TC2N: variants seen among roughly 807,000 people sequenced by gnomAD.
The protein encoded by TC2N is tandem C2 domains, nuclear, also known as tandem C2 domains nuclear protein.
In TC2N, 51 loss-of-function variants were observed where a neutral mutation model predicts 61.9. The observed-to-expected ratio is 0.82, with a 90% CI of 0.66 to 1.04. The LOEUF is 1.04. TC2N is among the 50% of genes least tolerant of loss of function. The probability of loss-of-function intolerance (pLI) is 0.00; values close to 1 mark genes in which losing one functional copy is unlikely to be tolerated. For synonymous variants in TC2N, 204 were observed against 192.6 expected (o/e 1.06, Z -0.49); for missense variants, 556 against 566.7 (o/e 0.98, Z 0.19).
chr14:91,791,284 T>A (rs1466476679), intron 9 of TC2N, among the ~76,000 whole-genome samples: 1 of 152,070 alleles, frequency 6.6e-6, no homozygotes. Flanking sequence ...TAATTTTTTT[T>A]AGTTTATGTA....
chr14:91,823,893 C>A (rs925043921), intron 1 of TC2N, among the ~76,000 whole-genome samples: 1 of 151,888 alleles, frequency 6.6e-6, no homozygotes, highest in Admixed American at 6.6e-5. Flanking sequence ...AATTAAAAAA[C>A]AACAACAACA....
At chr14:91,799,114 G>T in intron 5 of TC2N, 50 bp from the exon 6 acceptor site, 3 of 1,208,028 alleles carry the variant, frequency 2.5e-6, no homozygotes, top group Non-Finnish European at 3.5e-6. Context: ...AAACCTTAAG[G>T]ATTCTGATAC....
rs975913299 is a variant in TC2N at position 91,837,403 on chromosome 14, A to T, written c.-56-23578T>A. Among the ~76,000 whole-genome samples the T allele has an allele frequency of 5.9e-5, 9 of 151,950 alleles. No homozygotes were observed. The highest frequency in any genetic ancestry group is 2.2e-4 in the African/African-American group (9 of 41,336). On this transcript the variant is annotated intron_variant, in intron 1 of 11. Coordinates refer to ENST00000435962, the MANE Select transcript of TC2N (RefSeq NM_001128596.3). This position sits in a 1 kb window ranked among gnomAD's most constrained non-coding sequence, Gnocchi z 4.2. ...CCAGGCTAATTTTTTAATTTTTTGT[A>T]GAGATGAAGTCTTATTATATGGCCC...
chr14:91,811,609 G>A (rs534500129), intron 3 of TC2N, among the ~76,000 whole-genome samples: 2 of 152,064 alleles, frequency 1.3e-5, no homozygotes, highest in Non-Finnish European at 2.9e-5. Context: ...GAAGAAAGAA[G>A]AGAAGGAAAA....
chr14:91,859,085 G>T (rs577117839), intron 1 of TC2N, among the ~76,000 whole-genome samples: 6 of 152,180 alleles, frequency 3.9e-5, no homozygotes, highest in Middle Eastern at 3.4e-3. Flanking sequence ...CACCGCAAGG[G>T]GTCACCTTAT....
intron 7 of TC2N, 47 bp downstream of exon 7, chr14:91,798,252 A>C: frequency 9.6e-7 from 1 of 1,037,000 alleles, no homozygotes. Context: ...ACAATGTCTA[A>C]ATATTCAATT....
At chr14:91,799,204 C>T (rs1207162619) in intron 5 of TC2N, 140 bp from the exon 6 acceptor site, 1 of 476,554 alleles carries the variant, frequency 2.1e-6, no homozygotes, top group Non-Finnish European at 3.6e-6. Context: ...TTCCCACTTA[C>T]AGGTAGTGGA....
chr14:91,786,441 A>C (rs1235189416), intron 10 of TC2N, among the ~76,000 whole-genome samples: 2 of 152,204 alleles, frequency 1.3e-5, no homozygotes, highest in African/African-American at 4.8e-5. Context: ...GCTTATATAC[A>C]ACAGAAATTA....
chr14:91,860,941 G>C (rs1888577324), intron 1 of TC2N, among the ~76,000 whole-genome samples: 1 of 152,264 alleles, frequency 6.6e-6, no homozygotes, highest in Admixed American at 6.5e-5. Flanking sequence ...CTGGCAAAGA[G>C]GCTCTGGCCT....
intron 1 of TC2N, among the ~76,000 whole-genome samples, chr14:91,845,561 G>T (rs61990097): frequency 0.12 from 18,672 of 152,178 alleles, 1,386 homozygotes; most frequent in East Asian, 0.24. Flanking sequence ...AATTCTGATG[G>T]TTACAAGTAA....
intron 1 of TC2N, among the ~76,000 whole-genome samples, chr14:91,834,539 G>A (rs544446797): frequency 6.6e-6 from 1 of 150,950 alleles, no homozygotes; most frequent in African/African-American, 2.4e-5. Context: ...CTCAAAATAC[G>A]GATTCTAAAC....
At chr14:91,805,632 T>C (rs1018292311) in intron 3 of TC2N, among the ~76,000 whole-genome samples, 3 of 151,896 alleles carry the variant, frequency 2.0e-5, no homozygotes, top group Admixed American at 6.6e-5. Context: ...GCCACTGCAC[T>C]CCAGCTTGGT....
At chr14:91,842,851 T>A (rs1888189274) in intron 1 of TC2N, among the ~76,000 whole-genome samples, 2 of 152,204 alleles carry the variant, frequency 1.3e-5, no homozygotes, top group Admixed American at 6.5e-5. Context: ...TCCTTCTTTT[T>A]AGTAGGTTAC....
At chr14:91,850,672 C>T (rs1037064020) in intron 1 of TC2N, among the ~76,000 whole-genome samples, 5 of 152,240 alleles carry the variant, frequency 3.3e-5, no homozygotes, top group Non-Finnish European at 7.3e-5. Context: ...GTGGCTTACG[C>T]CTGTAATCCC....
rs1362692450 is a variant in TC2N at position 91,780,924 on chromosome 14, G to C, written c.*2176C>G. The C allele has an allele frequency of 6.7e-6, 1 of 148,500 alleles. No individual in the cohort carries two copies. The highest frequency in any genetic ancestry group is 1.5e-5 in the Non-Finnish European group (1 of 67,940). 9.2% of individuals were successfully genotyped at this position (148,500 alleles called of 1,614,324 possible). A position where few individuals can be genotyped will look rare whatever the true frequency, so the allele number is the denominator to read the frequency against. On this transcript the variant is annotated 3_prime_UTR_variant, in exon 12 of 12. Transcript: ENST00000435962. ...ACTAATTAAAACATTTAGGATCTTA[G>C]TTGTATCAATACTTCTGTACCTGAA...
intron 8 of TC2N, among the ~76,000 whole-genome samples, chr14:91,794,734 G>A (rs1885819628): frequency 6.6e-6 from 1 of 152,018 alleles, no homozygotes; most frequent in South Asian, 2.1e-4. Flanking sequence ...TGACAGAGAT[G>A]TATACAGAGA....
At chr14:91,790,045 T>C (rs1421576835) in intron 9 of TC2N, among the ~76,000 whole-genome samples, 1 of 152,190 alleles carries the variant, frequency 6.6e-6, no homozygotes, top group Non-Finnish European at 1.5e-5. Context: ...CCCCAACTAC[T>C]GGCTGTATAA....
chr14:91,845,152 C>T (rs1045443180), intron 1 of TC2N, among the ~76,000 whole-genome samples: 20 of 151,888 alleles, frequency 1.3e-4, no homozygotes, highest in Admixed American at 2.0e-4. Flanking sequence ...CACTTGAACC[C>T]GGGAGATGGA....
At chr14:91,794,954 G>A (rs888463412) in intron 8 of TC2N, among the ~76,000 whole-genome samples, 1 of 152,126 alleles carries the variant, frequency 6.6e-6, no homozygotes, top group Admixed American at 6.5e-5. Flanking sequence ...GAAAATTCAT[G>A]ATGCATGAAA....
Sources: gnomAD v4.1 joint callset for allele counts (sites outside exome capture counted in the v4.1 genomes callset) on GRCh38, gnomAD v4.1.1 for gene constraint, Gnocchi (gnomAD v3.1) non-coding constraint, MANE v1.5 for transcripts, NCBI Gene and HGNC (gene_info 2026-07-23, HGNC 2026-07-21) for gene names.